The following GDA variants were observed in gnomAD, a reference collection of about 807,000 sequenced individuals.
The protein encoded by GDA is cytoplasmic PSD-95 interactor.
GDA carries 18 observed loss-of-function variants against 59.6 expected under a neutral mutation model. The observed-to-expected ratio is 0.30, with a 90% CI of 0.21 to 0.45. The LOEUF is 0.45. Ranked by LOEUF, GDA falls within the 20% of genes least tolerant of loss-of-function variation. GDA has a pLI of 1.00. For synonymous variants in GDA, 201 were observed against 201.1 expected, an observed-to-expected ratio of 1.00 and a Z score of 0.00; for missense variants, 427 against 552.3, an observed-to-expected ratio of 0.77 and a Z score of 2.27.
chr9:72,136,241 T>G (rs773507677), intron 1 of GDA, among the ~76,000 whole-genome samples: 1 of 152,214 alleles, frequency 6.6e-6, no homozygotes, highest in Non-Finnish European at 1.5e-5. Context: ...CTCTGAGGTC[T>G]CTTGTCTCTT....
At chr9:72,116,665 G>A (rs777286009) in intron 1 of GDA, among the ~76,000 whole-genome samples, 27 of 152,036 alleles carry the variant, frequency 1.8e-4, no homozygotes, top group Non-Finnish European at 3.2e-4. Context: ...GATTACAGGC[G>A]TGAGCCACCG....
intron 1 of GDA, among the ~76,000 whole-genome samples, chr9:72,129,639 G>A (rs1825959268): frequency 6.6e-6 from 1 of 152,126 alleles, no homozygotes; most frequent in African/African-American, 2.4e-5. Context: ...ATGCAGTATT[G>A]CCAGGGTCCC....
intron 11 of GDA, among the ~76,000 whole-genome samples, chr9:72,242,674 GT>G (rs1204313257): frequency 6.6e-6 from 1 of 152,068 alleles, no homozygotes; most frequent in African/African-American, 2.4e-5. Flanking sequence ...GTTGTTTTTT[GT>G]TTTTGTTTTG....
chr9:72,181,628 C>A (rs1831233536), intron 1 of GDA, among the ~76,000 whole-genome samples: 1 of 152,036 alleles, frequency 6.6e-6, no homozygotes. Context: ...CCTGGCCTCA[C>A]TATCTTTTTT....
chr9:72,236,346 G>A (rs930097348), intron 10 of GDA, among the ~76,000 whole-genome samples: 1 of 152,032 alleles, frequency 6.6e-6, no homozygotes, highest in Non-Finnish European at 1.5e-5. Flanking sequence ...TTATTAGTCT[G>A]TAATAAGCGT....
In GDA at chr9:72,151,981, T is replaced by C. The variant is rs952625773; in HGVS notation, c.123+2299T>C. On this transcript the variant is annotated intron_variant, in intron 1 of 13. Coordinates refer to ENST00000358399, the MANE Select transcript of GDA (RefSeq NM_004293.5). ...ATCAGAAATATCTAGGGGTGCTTGA[T>C]AATATGCTGATTTCTGGGCATCATC... Among the ~76,000 whole-genome samples, 4 of 152,202 alleles carry C rather than the reference T, an allele frequency of 2.6e-5. 1 individual carries two copies. The highest frequency in any genetic ancestry group is 2.9e-5 in the Non-Finnish European group (2 of 68,038).
chr9:72,135,658 G>T (rs192794153), intron 1 of GDA, among the ~76,000 whole-genome samples: 1 of 152,162 alleles, frequency 6.6e-6, no homozygotes, highest in Admixed American at 6.5e-5. Context: ...GGCCTGGCGC[G>T]GTGACTCACG....
intron 2 of GDA, chr9:72,197,360 G>A (rs1833319033): frequency 6.6e-6 from 1 of 152,214 alleles, no homozygotes; most frequent in African/African-American, 2.4e-5. Context: ...AGTAGCTTCT[G>A]CTGTTACCAT....
At chr9:72,246,427 C>T (rs755845630) in intron 12 of GDA, among the ~76,000 whole-genome samples, 44 of 152,154 alleles carry the variant, frequency 2.9e-4, no homozygotes, top group Non-Finnish European at 4.6e-4. Context: ...GGATTATAGG[C>T]GTGAGCCACT....
intron 1 of GDA, among the ~76,000 whole-genome samples, chr9:72,129,291 A>G (rs1387074695): frequency 1.3e-5 from 2 of 152,100 alleles, no homozygotes; most frequent in Non-Finnish European, 1.5e-5. Context: ...AAAATATTCA[A>G]ACTTTCAACA....
chr9:72,145,824 A>AGTCC (rs1191293269), upstream of GDA, among the ~76,000 whole-genome samples: 1 of 152,232 alleles, frequency 6.6e-6, no homozygotes. Context: ...CTTAAGTTCT[A>AGTCC]GTCCCAATGA....
intron 1 of GDA, among the ~76,000 whole-genome samples, chr9:72,183,456 T>C (rs1041030424): frequency 2.7e-5 from 4 of 150,302 alleles, no homozygotes; most frequent in Non-Finnish European, 3.0e-5. Context: ...GCTATATGAA[T>C]GGAAGGAAAA....
At chr9:72,145,819 G>T (rs2130667480), upstream of GDA, among the ~76,000 whole-genome samples, 1 of 152,268 alleles carries the variant, frequency 6.6e-6, no homozygotes, top group East Asian at 1.9e-4. Flanking sequence ...TCATCCTTAA[G>T]TTCTAGTCCC....
chr9:72,158,586 T>C (rs1237387342), intron 1 of GDA, among the ~76,000 whole-genome samples: 1 of 147,986 alleles, frequency 6.8e-6, no homozygotes, highest in Non-Finnish European at 1.5e-5. Flanking sequence ...AGAGCGAAAC[T>C]CCGTCTCCAA....
chr9:72,153,317 A>G (rs557712269), intron 1 of GDA, among the ~76,000 whole-genome samples: 1 of 152,138 alleles, frequency 6.6e-6, no homozygotes, highest in East Asian at 1.9e-4. Context: ...GTTTTTTCCA[A>G]TTCTGTGAAG....
intron 1 of GDA, among the ~76,000 whole-genome samples, chr9:72,118,900 G>A (rs536419492): frequency 6.6e-6 from 1 of 152,192 alleles, no homozygotes; most frequent in East Asian, 1.9e-4. Context: ...TTAGTACAGG[G>A]ACTGTATTTG....
chr9:72,145,292 T>C (rs975703028), upstream of GDA, among the ~76,000 whole-genome samples: 1 of 152,174 alleles, frequency 6.6e-6, no homozygotes, highest in Non-Finnish European at 1.5e-5. Flanking sequence ...AAGTGAGTCA[T>C]GGCAAAACTG....
intron 1 of GDA, among the ~76,000 whole-genome samples, chr9:72,128,512 C>T (rs1325094841): frequency 6.6e-6 from 1 of 152,044 alleles, no homozygotes; most frequent in Admixed American, 6.5e-5. Context: ...ATTACCTTTG[C>T]AATAATAATG....
intron 1 of GDA, among the ~76,000 whole-genome samples, chr9:72,150,932 G>A (rs1484898968): frequency 6.6e-6 from 1 of 151,678 alleles, no homozygotes; most frequent in East Asian, 1.9e-4. Context: ...ACTCAGGTTT[G>A]GGGCAAGTCC....
Sources: gnomAD v4.1 joint callset for allele counts (sites outside exome capture counted in the v4.1 genomes callset) on GRCh38, gnomAD v4.1.1 for gene constraint, MANE v1.5 for transcripts, NCBI Gene and HGNC (gene_info 2026-07-23, HGNC 2026-07-21) for gene names.